Variants in CAMK2A observed in about 807,000 individuals in gnomAD.
The protein encoded by CAMK2A is calcium/calmodulin-dependent protein kinase type II subunit alpha.
In CAMK2A, 7 loss-of-function variants were observed where a neutral mutation model predicts 79.2. The observed-to-expected ratio is 0.09, with a 90% CI of 0.05 to 0.17. The LOEUF (loss-of-function observed/expected upper bound fraction) is 0.17, where lower values mean the gene tolerates loss of function less well. CAMK2A is among the 10% of genes least tolerant of loss of function. The probability of loss-of-function intolerance (pLI) is 1.00; values close to 1 mark genes in which losing one functional copy is unlikely to be tolerated. For missense variants in CAMK2A, 214 were observed against 646.4 expected (o/e 0.33, Z 7.25); for synonymous variants, 242 against 251.7 (o/e 0.96, Z 0.36).
intron 6 of CAMK2A, among the ~76,000 whole-genome samples, chr5:150,254,793 T>A (rs1755983940): frequency 6.6e-6 from 1 of 152,208 alleles, no homozygotes; most frequent in Non-Finnish European, 1.5e-5. Flanking sequence ...GCTTACCTTA[T>A]GGGGTGGTGC....
chr5:150,222,875 C>G (rs1259376720), intron 18 of CAMK2A, 114 bp downstream of exon 18: 8 of 1,389,624 alleles, frequency 5.8e-6, no homozygotes, highest in Non-Finnish European at 8.2e-6. Flanking sequence ...GTCTCCCCAC[C>G]CCACTCTGCA....
At chr5:150,278,725 G>A (rs1295675180) in intron 1 of CAMK2A, among the ~76,000 whole-genome samples, 1 of 152,074 alleles carries the variant, frequency 6.6e-6, no homozygotes, top group Non-Finnish European at 1.5e-5. Flanking sequence ...ATGCCCCTGG[G>A]TGCAAAGGAG....
chr5:150,241,857 C>T (rs1048787885), intron 13 of CAMK2A, among the ~76,000 whole-genome samples: 29 of 152,214 alleles, frequency 1.9e-4, no homozygotes, highest in East Asian at 5.8e-4. Context: ...CCCTGGTTGT[C>T]CTCCCTCCCT....
At position 150,223,909 on chromosome 5, in the gene CAMK2A, G is replaced by T. The variant is rs540506445; in HGVS notation, c.1238-692C>A. ...CAGTTCAGACACGGCCCGTGGGCCT[G>T]TCTGAAGTATATCTACTTCTACTGT... is the stretch of plus-strand genomic sequence containing the variant. On this transcript the variant is annotated intron_variant, in intron 17 of 18. Coordinates refer to ENST00000671881, the MANE Select transcript of CAMK2A (RefSeq NM_015981.4). This position sits in a 1 kb window ranked among gnomAD's most constrained non-coding sequence, Gnocchi z 4.1. Among the ~76,000 whole-genome samples, 37 of 152,366 alleles carry T rather than the reference G, an allele frequency of 2.4e-4. No individual in the cohort carries two copies. The highest frequency in any genetic ancestry group is 3.4e-3 in the Middle Eastern group (1 of 294).
intron 14 of CAMK2A, 115 bp downstream of exon 14, chr5:150,239,589 A>G: frequency 1.1e-6 from 1 of 895,784 alleles, no homozygotes; most frequent in East Asian, 2.4e-5. Flanking sequence ...CGTACCAAGC[A>G]CGCCCTGAGC....
intron 2 of CAMK2A, among the ~76,000 whole-genome samples, chr5:150,272,800 G>A (rs1185645606): frequency 1.3e-5 from 2 of 151,900 alleles, no homozygotes; most frequent in Admixed American, 6.6e-5. Flanking sequence ...AGGGAAAGGA[G>A]GGCCCATCTG....
At position 150,284,799 on chromosome 5, in the gene CAMK2A, C is replaced by T. The variant is rs531560890; in HGVS notation, c.62+4765G>A. Among the ~76,000 whole-genome samples, 21 of 152,170 alleles carry T rather than the reference C, an allele frequency of 1.4e-4. No individual in the cohort carries two copies. Among genetic ancestry groups the T allele is most frequent in the African/African-American group, 5.1e-4 (21 of 41,508 alleles). The stretch of plus-strand genomic sequence containing the variant: ...ACCACTTCTCTCTGAGTGTTGGCTC[C>T]CAGAGACCAAGGCAAGGACCATCTA... On this transcript the variant is annotated intron_variant, in intron 1 of 18. Coordinates refer to ENST00000671881, the MANE Select transcript of CAMK2A (RefSeq NM_015981.4). This position sits in a 1 kb window ranked among gnomAD's most constrained non-coding sequence, Gnocchi z 5.3.
intron 6 of CAMK2A, among the ~76,000 whole-genome samples, chr5:150,255,457 C>T (rs1261969983): frequency 1.3e-5 from 2 of 152,250 alleles, no homozygotes; most frequent in Non-Finnish European, 2.9e-5. Context: ...AATCACACTC[C>T]GGGAGGACCG....
intron 3 of CAMK2A, among the ~76,000 whole-genome samples, chr5:150,262,325 C>A (rs974320764): frequency 2.0e-5 from 3 of 152,188 alleles, no homozygotes; most frequent in Non-Finnish European, 4.4e-5. Context: ...GCTCACCTTT[C>A]GGGTTTTGAG....
chr5:150,266,421 A>G (rs1316383893), intron 2 of CAMK2A, among the ~76,000 whole-genome samples: 4 of 152,218 alleles, frequency 2.6e-5, no homozygotes, highest in Non-Finnish European at 5.9e-5. Flanking sequence ...TTTTTTCACA[A>G]TTTGGTAGTT....
Position 150,221,983 on chromosome 5 carries a change from T to C in CAMK2A, c.*727A>G, listed in dbSNP as rs1377623397. 1 of 190,648 alleles carries C rather than the reference T, an allele frequency of 5.2e-6. No individual in the cohort carries two copies. The highest frequency in any genetic ancestry group is 1.1e-5 in the Non-Finnish European group (1 of 92,248). The allele number at this position is 190,648 out of a possible 1,614,324, so 11.8% of individuals were successfully genotyped here. ...CTTTTGCCCCCCAAAAACAATTAGA[T>C]TCCCTCTCTGAGATACGACAAAGCT... is the stretch of plus-strand genomic sequence containing the variant. On this transcript the variant is annotated 3_prime_UTR_variant, in exon 19 of 19. Transcript: ENST00000671881.
At position 150,225,077 on chromosome 5, in the gene CAMK2A, T is replaced by TGA. The variant is rs1222337675; in HGVS notation, c.1238-1862_1238-1861dup. 6.6e-3 allele frequency among the ~76,000 whole-genome samples: 593 copies of TGA among 89,216 alleles called. 2 individuals carry two copies. The highest frequency in any genetic ancestry group is 0.024 in the African/African-American group (523 of 22,088). The allele number at this position is 89,216 out of a possible 152,430, so 58.5% of individuals were successfully genotyped here. A position where few individuals can be genotyped will look rare whatever the true frequency, so the allele number is the denominator to read the frequency against. On this transcript the variant is annotated intron_variant, in intron 17 of 18. Transcript: ENST00000671881. The stretch of plus-strand genomic sequence containing the variant: ...GAGAGAGAGAGAGAGAGAGAGAAAG[T>TGA]GAGAGAGAGAGAGAGAGACAATGGA...
intron 2 of CAMK2A, among the ~76,000 whole-genome samples, chr5:150,271,664 C>G (rs1756754673): frequency 1.3e-5 from 2 of 152,232 alleles, no homozygotes; most frequent in Non-Finnish European, 2.9e-5. Context: ...CCTCCACCAC[C>G]AGGCGGTCCC....
At chr5:150,250,562 A>G in intron 10 of CAMK2A, 126 bp downstream of exon 10, 1 of 1,319,832 alleles carries the variant, frequency 7.6e-7, no homozygotes, top group Non-Finnish European at 1.1e-6. Flanking sequence ...GAACCACAGC[A>G]GGGGCAGTCT....
intron 2 of CAMK2A, 70 bp from the exon 3 acceptor site, chr5:150,265,085 A>C: frequency 1.7e-6 from 2 of 1,181,154 alleles, no homozygotes; most frequent in Non-Finnish European, 1.3e-6. Context: ...CCCCTTCTCA[A>C]AGCCTCGTAT....
At chr5:150,230,407 T>C (rs542846236) in intron 16 of CAMK2A, among the ~76,000 whole-genome samples, 178 of 150,612 alleles carry the variant, frequency 1.2e-3, no homozygotes, top group African/African-American at 4.2e-3. Context: ...TCTGGGCACA[T>C]TGGAAATCAG....
chr5:150,244,188 A>C (rs1473913445), intron 13 of CAMK2A, among the ~76,000 whole-genome samples: 1 of 152,240 alleles, frequency 6.6e-6, no homozygotes, highest in East Asian at 1.9e-4. Context: ...GGGAAAATTC[A>C]AGCTGGGAGG....
intron 1 of CAMK2A, among the ~76,000 whole-genome samples, chr5:150,281,748 T>C (rs1003753281): frequency 1.4e-4 from 22 of 152,180 alleles, no homozygotes; most frequent in Admixed American, 1.4e-3. Context: ...CACAGCTTAC[T>C]TGAGATTCTC....
chr5:150,264,382 C>G (rs1300463746), intron 3 of CAMK2A, among the ~76,000 whole-genome samples: 1 of 152,234 alleles, frequency 6.6e-6, no homozygotes, highest in African/African-American at 2.4e-5. Flanking sequence ...ATCAGCCCCC[C>G]AATTGCACAA....
Sources: allele counts gnomAD v4.1 joint callset (sites outside exome capture counted in the v4.1 genomes callset), GRCh38; gene constraint gnomAD v4.1.1; non-coding constraint Gnocchi (gnomAD v3.1); transcripts MANE v1.5; gene names NCBI Gene and HGNC (gene_info 2026-07-23, HGNC 2026-07-21).